RASGRF2: variants seen among roughly 807,000 people sequenced by gnomAD.
RASGRF2 encodes the protein ras-specific guanine nucleotide-releasing factor 2.
A neutral mutation model predicts 151.0 loss-of-function variants in RASGRF2; 76 were observed. The observed-to-expected ratio is 0.50, with a 90% confidence interval of 0.42 to 0.61. RASGRF2 has a LOEUF of 0.61. Among genes scored for constraint, RASGRF2 ranks in the 20% least tolerant of loss-of-function variants. The probability of loss-of-function intolerance (pLI) is 0.00; values close to 1 mark genes in which losing one functional copy is unlikely to be tolerated. For synonymous variants in RASGRF2, 504 were observed against 566.5 expected, an observed-to-expected ratio of 0.89 and a Z score of 1.57; for missense variants, 1,148 against 1,564.6, an observed-to-expected ratio of 0.73 and a Z score of 4.49.
At chr5:81,178,184 G>A (rs946608694) in intron 17 of RASGRF2, among the ~76,000 whole-genome samples, 2 of 152,230 alleles carry the variant, frequency 1.3e-5, no homozygotes, top group Non-Finnish European at 2.9e-5. Flanking sequence ...AGAGTTGCTG[G>A]TAGCTCAGCC....
At chr5:81,014,708 G>A (rs1233571955) in intron 1 of RASGRF2, among the ~76,000 whole-genome samples, 3 of 152,120 alleles carry the variant, frequency 2.0e-5, no homozygotes, top group Non-Finnish European at 4.4e-5. Context: ...TTCCTATGAA[G>A]AATCCTGAAA....
intron 1 of RASGRF2, among the ~76,000 whole-genome samples, chr5:81,036,761 C>T (rs1750511938): frequency 6.6e-6 from 1 of 152,070 alleles, no homozygotes; most frequent in Admixed American, 6.6e-5. Flanking sequence ...GTACAGCTGT[C>T]ATTCAGAGAT....
intron 17 of RASGRF2, among the ~76,000 whole-genome samples, chr5:81,161,261 G>C (rs1397760587): frequency 2.6e-5 from 4 of 152,176 alleles, no homozygotes; most frequent in Admixed American, 2.6e-4. Context: ...ACCTTAGCAA[G>C]ACAGTAAGTT....
At chr5:81,101,572 A>G (rs923129312) in intron 12 of RASGRF2, among the ~76,000 whole-genome samples, 5 of 152,060 alleles carry the variant, frequency 3.3e-5, no homozygotes, top group Admixed American at 1.3e-4. Context: ...CCTATTTTAT[A>G]TAAATGTATC....
At chr5:81,130,204 A>C (rs1753579975) in intron 17 of RASGRF2, among the ~76,000 whole-genome samples, 1 of 152,224 alleles carries the variant, frequency 6.6e-6, no homozygotes, top group African/African-American at 2.4e-5. Flanking sequence ...TAACAGACTC[A>C]GTCAATGTTG....
chr5:81,131,621 C>T (rs1753621477), intron 17 of RASGRF2, among the ~76,000 whole-genome samples: 1 of 151,346 alleles, frequency 6.6e-6, no homozygotes, highest in South Asian at 2.1e-4. Flanking sequence ...TTCCAAAATG[C>T]TAGGATTACA....
At chr5:81,168,309 CTTTTTTTTTT>C (rs70994426) in intron 17 of RASGRF2, among the ~76,000 whole-genome samples, 1 of 115,994 alleles carries the variant, frequency 8.6e-6, no homozygotes, top group Admixed American at 1.1e-4. Flanking sequence ...TTTTTCTTCT[CTTTTTTTTTT>C]TTTTTTTTTA....
chr5:81,080,792 A>G lies in RASGRF2; in HGVS notation c.1161+3A>G. ...TCTTGACCTATCCCATGTTTCAGGTAAGTCACTTGGGATGCATTTTGTAAG... is the reference window on the plus strand; with the variant it reads ...TCTTGACCTATCCCATGTTTCAGGTGAGTCACTTGGGATGCATTTTGTAAG... On this transcript the variant is annotated splice_donor_region_variant and intron_variant, in intron 7 of 26. Coordinates refer to ENST00000265080, the MANE Select transcript of RASGRF2 (RefSeq NM_006909.3). The G allele has an allele frequency of 6.2e-7, 1 of 1,611,790 alleles. No individual in the cohort carries two copies. Among genetic ancestry groups the G allele is most frequent in the Non-Finnish European group, 8.5e-7 (1 of 1,178,462 alleles).
intron 2 of RASGRF2, 130 bp downstream of exon 2, chr5:81,043,113 C>A: frequency 1.6e-6 from 1 of 614,490 alleles, no homozygotes; most frequent in Admixed American, 3.0e-5. Flanking sequence ...ATTCCTTAGT[C>A]ATGTGTGAGA....
chr5:80,995,695 T>TCCC (rs1561544188), intron 1 of RASGRF2, among the ~76,000 whole-genome samples: 16 of 75,174 alleles, frequency 2.1e-4, no homozygotes, highest in African/African-American at 7.8e-4. Flanking sequence ...CCCCCCCCCT[T>TCCC]TTTTTTTTTT....
chr5:80,960,858 C>T lies in RASGRF2; in HGVS notation c.120C>T (p.His40=). Residue 40 remains histidine, a synonymous_variant, in exon 1 of 27, where the codon CAC becomes CAT. Transcript: ENST00000265080. This position sits in a 1 kb window ranked among gnomAD's most constrained non-coding sequence, Gnocchi z 5.5. ...SKKTAEASRW[H]EKWFALYQNV... ...AGACGGCCGAGGCGAGCCGCTGGCA[C>T]GAGAAGTGGTTCGCCCTCTACCAGA... 6.2e-7 allele frequency: 1 copy of T among 1,613,704 alleles called. No individual in the cohort carries two copies. Among genetic ancestry groups the T allele is most frequent in the Non-Finnish European group, 8.5e-7 (1 of 1,179,744 alleles).
intron 16 of RASGRF2, 99 bp from the exon 17 acceptor site, chr5:81,126,975 C>T: frequency 7.6e-7 from 1 of 1,311,756 alleles, no homozygotes; most frequent in South Asian, 1.3e-5. Context: ...GCATTTGGCC[C>T]AGTCCTTCAT....
At chr5:81,132,066 T>G (rs1753636263) in intron 17 of RASGRF2, among the ~76,000 whole-genome samples, 1 of 152,258 alleles carries the variant, frequency 6.6e-6, no homozygotes, top group African/African-American at 2.4e-5. Flanking sequence ...TGCTTTGTTT[T>G]TTTCCTCAAC....
intron 3 of RASGRF2, chr5:81,070,210 C>T (rs1751731392): frequency 2.8e-6 from 1 of 359,286 alleles, no homozygotes; most frequent in Non-Finnish European, 5.3e-6. Flanking sequence ...GGCGGGCTCA[C>T]CACTGGCAGC....
chr5:81,173,527 G>C lies in RASGRF2; in HGVS notation c.2687-6648G>C, dbSNP rs534391834. ...ATCCTAACTCATCTCTCCAGAAACA[G>C]TATGTCAATTCATAGACTCAGTGAA... is the stretch of plus-strand genomic sequence containing the variant. On this transcript the variant is annotated intron_variant, in intron 17 of 26. Transcript: ENST00000265080. Among the ~76,000 whole-genome samples, 3 of 152,292 alleles carry C rather than the reference G, an allele frequency of 2.0e-5. No individual in the cohort carries two copies. In the South Asian group the frequency reaches 6.2e-4, roughly 32 times the overall value.
Position 81,086,887 on chromosome 5 carries a change from A to G in RASGRF2, c.1324A>G (p.Ile442Val). The G allele has an allele frequency of 6.2e-7, 1 of 1,614,246 alleles. No individual in the cohort carries two copies. The highest frequency in any genetic ancestry group is 1.1e-5 in the South Asian group (1 of 91,088). ...TGAAAACATAAGGAAAAACCTTGCC[A>G]TCGAAAGAATGATCGTGGAGGGCTG... ...DTENIRKNLA[I>V]ERMIVEGCDI... Residue 442 changes from isoleucine (I) to valine (V), a missense_variant, in exon 9 of 27, where the codon ATC (isoleucine) becomes GTC (valine). Coordinates refer to ENST00000265080, the MANE Select transcript of RASGRF2 (RefSeq NM_006909.3).
intron 2 of RASGRF2, among the ~76,000 whole-genome samples, chr5:81,044,997 AG>A (rs753038206): frequency 3.4e-4 from 51 of 152,176 alleles, no homozygotes; most frequent in Non-Finnish European, 6.6e-4. Context: ...TGTGGACCCC[AG>A]GAGAGCTTGC....
At chr5:81,073,518 A>C in intron 5 of RASGRF2, 66 bp downstream of exon 5, 1 of 1,498,716 alleles carries the variant, frequency 6.7e-7, no homozygotes, top group Non-Finnish European at 9.0e-7. Context: ...AAGAATTTTT[A>C]CTTAATCTTT....
chr5:81,107,343 C>T (rs1309596221), intron 12 of RASGRF2, among the ~76,000 whole-genome samples: 1 of 152,024 alleles, frequency 6.6e-6, no homozygotes, highest in Non-Finnish European at 1.5e-5. Flanking sequence ...GCCTAGGCAA[C>T]AGAATGACAG....
Sources: gnomAD v4.1 joint callset for allele counts (sites outside exome capture counted in the v4.1 genomes callset) on GRCh38, gnomAD v4.1.1 for gene constraint, Gnocchi (gnomAD v3.1) non-coding constraint, MANE v1.5 for transcripts, NCBI Gene and HGNC (gene_info 2026-07-23, HGNC 2026-07-21) for gene names.